The following NMT1 variants were observed in gnomAD, a reference collection of about 807,000 sequenced individuals.
NMT1 encodes N-myristoyltransferase 1.
NMT1 carries 12 observed loss-of-function variants against 63.4 expected under a neutral mutation model. The observed-to-expected ratio is 0.19, with a 90% CI of 0.12 to 0.31. The LOEUF is 0.31. NMT1 is among the 10% of genes least tolerant of loss of function. The pLI, the probability that NMT1 is intolerant of heterozygous loss-of-function variation, is 1.00. For missense variants in NMT1, 432 were observed against 634.6 expected, an observed-to-expected ratio of 0.68 and a Z score of 3.43; for synonymous variants, 228 against 234.3, an observed-to-expected ratio of 0.97 and a Z score of 0.25.
At chr17:45,071,650 T>C (rs556344561) in intron 1 of NMT1, 2 of 152,352 alleles carry the variant, frequency 1.3e-5, no homozygotes, top group East Asian at 3.9e-4. Flanking sequence ...TTTCTTATGT[T>C]GTAAACCTGT....
intron 2 of NMT1, among the ~76,000 whole-genome samples, chr17:45,082,626 A>G (rs1217620471): frequency 6.6e-6 from 1 of 152,230 alleles, no homozygotes; most frequent in Admixed American, 6.5e-5. Flanking sequence ...AAACAACATT[A>G]CAAAATAAAA....
In NMT1 at chr17:45,106,796, G is replaced by A. The variant is rs1349791305; in HGVS notation, c.*1157G>A. On this transcript the variant is annotated 3_prime_UTR_variant, in exon 12 of 12. Transcript: ENST00000258960. ...GTGATTAGAGGCAGATCTGGACTTG[G>A]CAACAGAAGTGGTTTCCCATCTCCA... The A allele has an allele frequency of 6.5e-6, 1 of 152,672 alleles. No homozygotes were observed. Among genetic ancestry groups the A allele is most frequent in the Non-Finnish European group, 1.5e-5 (1 of 68,052 alleles). The allele number at this position is 152,672 out of a possible 1,614,324, so 9.5% of individuals were successfully genotyped here.
intron 3 of NMT1, among the ~76,000 whole-genome samples, chr17:45,088,037 G>A (rs954321228): frequency 2.0e-5 from 3 of 152,238 alleles, no homozygotes; most frequent in African/African-American, 7.2e-5. Flanking sequence ...GCTCTAGAGC[G>A]GATGCAGTTC....
chr17:45,081,576 T>A, intron 1 of NMT1, 68 bp from the exon 2 acceptor site: 1 of 1,365,266 alleles, frequency 7.3e-7, no homozygotes, highest in Non-Finnish European at 1.0e-6. Context: ...CACAGAAAGC[T>A]CTTTGTCAGG....
intron 3 of NMT1, 117 bp downstream of exon 3, chr17:45,086,769 C>T: frequency 8.9e-7 from 1 of 1,118,694 alleles, no homozygotes; most frequent in South Asian, 1.8e-5. Context: ...CCTGGAGTTC[C>T]TTGGTAGTTG....
chr17:45,077,147 C>T (rs1342177774), intron 1 of NMT1, among the ~76,000 whole-genome samples: 1 of 152,018 alleles, frequency 6.6e-6, no homozygotes, highest in African/African-American at 2.4e-5. Flanking sequence ...AGTAAGTATC[C>T]AGTTGGTTAA....
chr17:45,063,038 AC>A lies in NMT1; in HGVS notation c.131+1579del, dbSNP rs139380325. Among the ~76,000 whole-genome samples the A allele has an allele frequency of 2.8e-3, 429 of 151,936 alleles. 4 individuals are homozygous for A. Among genetic ancestry groups the A allele is most frequent in the African/African-American group, 9.7e-3 (402 of 41,426 alleles). On this transcript the variant is annotated intron_variant, in intron 1 of 11. Coordinates refer to ENST00000258960, the MANE Select transcript of NMT1 (RefSeq NM_021079.5). ...GCTAACACTGTGAAATCCCATCTCT[AC>A]TAAAAATACAAAAAATTTAGCCGGG...
At chr17:45,064,513 A>T (rs545031287) in intron 1 of NMT1, among the ~76,000 whole-genome samples, 1 of 152,262 alleles carries the variant, frequency 6.6e-6, no homozygotes, top group East Asian at 1.9e-4. Flanking sequence ...AAAAGCATGG[A>T]CTTTGGAATA....
chr17:45,081,549 T>C (rs2054017264), intron 1 of NMT1, 95 bp from the exon 2 acceptor site: 9 of 1,102,862 alleles, frequency 8.2e-6, no homozygotes, highest in Middle Eastern at 2.1e-4. Context: ...CAGGCTTGAT[T>C]AAGGAAGGTC....
At chr17:45,100,972 G>C (rs978647287) in intron 8 of NMT1, among the ~76,000 whole-genome samples, 2 of 149,438 alleles carry the variant, frequency 1.3e-5, no homozygotes. Flanking sequence ...ACGAGGTCAG[G>C]AGATCGAGAC....
chr17:45,070,709 G>A (rs545018887), intron 1 of NMT1, among the ~76,000 whole-genome samples: 3 of 152,218 alleles, frequency 2.0e-5, no homozygotes, highest in African/African-American at 4.8e-5. Context: ...GAGCCACCGC[G>A]CCTGGCCAAT....
rs529187710 is a variant in NMT1, at chr17:45,081,815, G to C, written c.240+63G>C. 157 of 1,237,388 alleles carry C rather than the reference G, an allele frequency of 1.3e-4. 1 individual carries two copies. In the African/African-American group the frequency reaches 2.3e-3, roughly 18 times the overall value. The allele number at this position is 1,237,388 out of a possible 1,614,324, so 76.7% of individuals were successfully genotyped here. ...TTTTCACATGAGAGAGTTTTGAGGTGAATGTATAGGATCAACTTGGATTGA... is the reference window on the plus strand; with the variant it reads ...TTTTCACATGAGAGAGTTTTGAGGTCAATGTATAGGATCAACTTGGATTGA... On this transcript the variant is annotated intron_variant, in intron 2 of 11. Transcript: ENST00000258960.
intron 7 of NMT1, 90 bp from the exon 8 acceptor site, chr17:45,099,315 C>G: frequency 2.3e-6 from 2 of 877,754 alleles, no homozygotes; most frequent in Non-Finnish European, 3.9e-6. Context: ...TCTCTCACGC[C>G]ACCTGCTGGC....
Position 45,106,968 on chromosome 17 carries a change from G to A in NMT1, c.*1329G>A, listed in dbSNP as rs537513780. The stretch of plus-strand genomic sequence containing the variant: ...ATTCTGGAGTGGTGTTCAGCCAAGT[G>A]ACCGGGCAAAATTGGGCTGTGAAAT... On this transcript the variant is annotated 3_prime_UTR_variant, in exon 12 of 12. Transcript: ENST00000258960. 1 of 152,392 alleles carries A rather than the reference G, an allele frequency of 6.6e-6. No individual in the cohort carries two copies. Among genetic ancestry groups the A allele is most frequent in the South Asian group, 2.1e-4 (1 of 4,828 alleles). 9.4% of individuals were successfully genotyped at this position (152,392 alleles called of 1,614,324 possible). A position where few individuals can be genotyped will look rare whatever the true frequency, so the allele number is the denominator to read the frequency against.
intron 1 of NMT1, among the ~76,000 whole-genome samples, chr17:45,063,544 T>C (rs891071929): frequency 6.6e-6 from 1 of 152,208 alleles, no homozygotes; most frequent in Non-Finnish European, 1.5e-5. Flanking sequence ...TCCTGACCAG[T>C]GTCCTTAGGT....
At chr17:45,096,144 G>A in intron 4 of NMT1, 50 bp from the exon 5 acceptor site, 5 of 1,401,266 alleles carry the variant, frequency 3.6e-6, no homozygotes, top group Non-Finnish European at 5.1e-6. Flanking sequence ...ATTGGAGTTG[G>A]TCTACTACCT....
In NMT1 at chr17:45,093,678, CT is replaced by C; in HGVS notation, c.386-4del. The C allele has an allele frequency of 6.2e-7, 1 of 1,613,438 alleles. No homozygotes were observed. The highest frequency in any genetic ancestry group is 8.5e-7 in the Non-Finnish European group (1 of 1,179,390). On this transcript the variant is annotated splice_region_variant and splice_polypyrimidine_tract_variant and intron_variant, in intron 3 of 11. Coordinates refer to ENST00000258960, the MANE Select transcript of NMT1 (RefSeq NM_021079.5). ...GGGTGAGGCTCACAGCTGTGCTCTT[CT>C]TTCAGGCGAAGTGGTGAACACCCAT... is the stretch of plus-strand genomic sequence containing the variant.
At position 45,105,555 on chromosome 17, in the gene NMT1, G is replaced by A; in HGVS notation, c.1471-64G>A. On this transcript the variant is annotated intron_variant, in intron 11 of 11. Transcript: ENST00000258960. This position sits in a 1 kb window ranked among gnomAD's most constrained non-coding sequence, Gnocchi z 4.2. Reference sequence around the variant, plus strand: ...AGCCACTCGGAACTTCAGGGATAGGGGGTGTGGGAGAGTCTTTGGGCCACT... The same window carrying A: ...AGCCACTCGGAACTTCAGGGATAGGAGGTGTGGGAGAGTCTTTGGGCCACT... The A allele has an allele frequency of 6.3e-7, 1 of 1,585,970 alleles. No individual in the cohort carries two copies.
chr17:45,072,757 C>T (rs186063114), intron 1 of NMT1, among the ~76,000 whole-genome samples: 1 of 150,988 alleles, frequency 6.6e-6, no homozygotes, highest in South Asian at 2.1e-4. Flanking sequence ...GACGGGGTTT[C>T]ACCATGTTAG....
Sources: gnomAD v4.1 joint callset for allele counts (sites outside exome capture counted in the v4.1 genomes callset) on GRCh38, gnomAD v4.1.1 for gene constraint, Gnocchi (gnomAD v3.1) non-coding constraint, MANE v1.5 for transcripts, NCBI Gene and HGNC (gene_info 2026-07-23, HGNC 2026-07-21) for gene names.